Variants in GUCY1B1 observed in about 807,000 individuals in gnomAD.
GUCY1B1 encodes the protein guanylate cyclase soluble subunit beta-1.
GUCY1B1 carries 43 observed loss-of-function variants against 71.0 expected under a neutral mutation model. The ratio of observed to expected loss-of-function variants is 0.61; its 90% CI spans 0.47 to 0.78. GUCY1B1 has a LOEUF of 0.78. GUCY1B1 is among the 30% of genes least tolerant of loss of function. GUCY1B1 has a pLI of 0.00. For missense variants in GUCY1B1, 535 were observed against 754.1 expected, an observed-to-expected ratio of 0.71 and a Z score of 3.40; for synonymous variants, 266 against 259.7, an observed-to-expected ratio of 1.02 and a Z score of -0.23.
chr4:155,785,361 T>G, intron 4 of GUCY1B1: 1 of 1,003,118 alleles, frequency 1.0e-6, no homozygotes, highest in Non-Finnish European at 1.5e-6. Context: ...GTGTCTTTTT[T>G]ACTTTCATAC....
intron 9 of GUCY1B1, among the ~76,000 whole-genome samples, chr4:155,801,195 A>C (rs2111166961): frequency 6.6e-6 from 1 of 152,272 alleles, no homozygotes; most frequent in South Asian, 2.1e-4. Context: ...TGTCTTTAAT[A>C]CGAGTAGCTG....
rs139612573 is a variant in GUCY1B1, at chr4:155,802,531, C to T, written c.1365C>T (p.Thr455=). ...TCAACCTCCTCAACGACCTCTACAC[C>T]AGATTTGACACACTGACTGATTCCC... is the stretch of plus-strand genomic sequence containing the variant. ...KIVNLLNDLY[T]RFDTLTDSRK... is the part of the protein sequence containing the mutation. Residue 455 remains threonine (T), a synonymous_variant, in exon 10 of 14, where the codon ACC becomes ACT. Transcript: ENST00000264424. This position sits in a 1 kb window ranked among gnomAD's most constrained non-coding sequence, Gnocchi z 4.3. 3.8e-4 allele frequency: 613 copies of T among 1,612,204 alleles called. 7 individuals are homozygous for T. The East Asian group carries it at 0.012, about 31-fold the overall frequency.
At chr4:155,765,207 T>A (rs761684505) in intron 2 of GUCY1B1, among the ~76,000 whole-genome samples, 23 of 152,206 alleles carry the variant, frequency 1.5e-4, no homozygotes, top group Non-Finnish European at 2.4e-4. Flanking sequence ...AAGTCCTTTC[T>A]ACTTTCTTGC....
intron 5 of GUCY1B1, among the ~76,000 whole-genome samples, chr4:155,790,732 C>G (rs544495402): frequency 6.6e-6 from 1 of 152,158 alleles, no homozygotes; most frequent in South Asian, 2.1e-4. Context: ...TTGTAACACA[C>G]TTGGGAGGTC....
chr4:155,803,858 A>G, intron 11 of GUCY1B1, 94 bp downstream of exon 11: 1 of 746,420 alleles, frequency 1.3e-6, no homozygotes, highest in Non-Finnish European at 2.0e-6. Context: ...AACGTGTATA[A>G]AGAAGGGCAT....
intron 8 of GUCY1B1, 90 bp from the exon 9 acceptor site, chr4:155,799,787 T>A: frequency 3.0e-6 from 2 of 660,436 alleles, no homozygotes; most frequent in Non-Finnish European, 5.3e-6. Context: ...TGGTAGGAGG[T>A]GGCAGGATCA....
At chr4:155,797,433 T>C (rs937504622) in intron 8 of GUCY1B1, among the ~76,000 whole-genome samples, 3 of 152,132 alleles carry the variant, frequency 2.0e-5, no homozygotes, top group African/African-American at 4.8e-5. Context: ...AACAATAATA[T>C]ATAAGGCCAA....
rs1421199706 is a variant in GUCY1B1 at position 155,802,969 on chromosome 4, A to G, written c.1413+390A>G. On this transcript the variant is annotated intron_variant, in intron 10 of 13. Transcript: ENST00000264424. The surrounding 1 kb of genome is among the most constrained non-coding windows in gnomAD (Gnocchi z 4.3). ...TTGTACAGTAAAGAAGTCATGAAGCATGAGAAGGACTCAGATTTGCGTTTA... is the reference window on the plus strand; with the variant it reads ...TTGTACAGTAAAGAAGTCATGAAGCGTGAGAAGGACTCAGATTTGCGTTTA... 2.0e-5 allele frequency among the ~76,000 whole-genome samples: 3 copies of G among 152,244 alleles called. No homozygotes were observed. The highest frequency in any genetic ancestry group is 2.9e-5 in the Non-Finnish European group (2 of 68,042).
chr4:155,789,652 C>T, intron 4 of GUCY1B1, 62 bp from the exon 5 acceptor site: 1 of 963,878 alleles, frequency 1.0e-6, no homozygotes, highest in Non-Finnish European at 1.6e-6. Context: ...ATCTTGCTTT[C>T]CCAGAGTCTG....
chr4:155,775,678 G>A (rs1737994658), intron 3 of GUCY1B1, among the ~76,000 whole-genome samples: 1 of 152,108 alleles, frequency 6.6e-6, no homozygotes. Flanking sequence ...CATCAGTTGT[G>A]GTGTCAAGAA....
intron 4 of GUCY1B1, among the ~76,000 whole-genome samples, chr4:155,787,592 T>C (rs572546157): frequency 2.6e-5 from 4 of 152,336 alleles, no homozygotes; most frequent in South Asian, 2.1e-4. Context: ...ATTTGTGATA[T>C]AAACCATGAG....
chr4:155,806,371 T>C lies in GUCY1B1; in HGVS notation c.1837-15T>C. 6.3e-7 allele frequency: 1 copy of C among 1,576,782 alleles called. No individual in the cohort carries two copies. Among genetic ancestry groups the C allele is most frequent in the South Asian group, 1.1e-5 (1 of 90,014 alleles). On this transcript the variant is annotated splice_polypyrimidine_tract_variant and intron_variant, in intron 13 of 13. Transcript: ENST00000264424. Reference sequence around the variant, plus strand: ...TCACTGTAAATCAATCCCTCTTTTCTTCTGCCTATTTAAGGAAACAAAGCA... The same window carrying C: ...TCACTGTAAATCAATCCCTCTTTTCCTCTGCCTATTTAAGGAAACAAAGCA...
At chr4:155,789,020 A>T (rs941028421) in intron 4 of GUCY1B1, among the ~76,000 whole-genome samples, 14 of 152,294 alleles carry the variant, frequency 9.2e-5, no homozygotes, top group South Asian at 2.1e-4. Context: ...GCATCTTCCA[A>T]ACTAATGGCA....
rs543013009 is a variant in GUCY1B1 at position 155,761,196 on chromosome 4, A to T, written c.77+1336A>T. 7.9e-5 allele frequency among the ~76,000 whole-genome samples: 12 copies of T among 152,316 alleles called. No individual in the cohort carries two copies. In the South Asian group the frequency reaches 2.1e-3, roughly 26 times the overall value. On this transcript the variant is annotated intron_variant, in intron 2 of 13. Coordinates refer to ENST00000264424, the MANE Select transcript of GUCY1B1 (RefSeq NM_000857.5). ...CATAGGCACCAAAAGTTACTTTAGG[A>T]TTTGAATTTTCTGGCCATCTTAATA...
chr4:155,767,957 A>G (rs891736597), intron 2 of GUCY1B1, among the ~76,000 whole-genome samples: 2 of 152,204 alleles, frequency 1.3e-5, no homozygotes, highest in Non-Finnish European at 2.9e-5. Context: ...ACAATGGACC[A>G]TTCTAGGATT....
intron 5 of GUCY1B1, among the ~76,000 whole-genome samples, chr4:155,792,667 C>A (rs1246616751): frequency 6.6e-6 from 1 of 150,414 alleles, no homozygotes; most frequent in Admixed American, 6.6e-5. Context: ...GAAAAATGAA[C>A]AACATTTTGT....
At chr4:155,797,288 A>G (rs963905364) in intron 8 of GUCY1B1, among the ~76,000 whole-genome samples, 2 of 152,204 alleles carry the variant, frequency 1.3e-5, no homozygotes, top group South Asian at 2.1e-4. Flanking sequence ...TTGGTGAGCT[A>G]TTGGTTAAAA....
chr4:155,759,149 T>A lies in GUCY1B1; in HGVS notation c.3+6T>A, dbSNP rs1188970326. 6.3e-7 allele frequency: 1 copy of A among 1,586,986 alleles called. No individual in the cohort carries two copies. The highest frequency in any genetic ancestry group is 1.7e-5 in the Admixed American group (1 of 57,144). ...CTCCCGGTGCAGACACCATGGTAAGTGCTCTCAGCCGGGTGCGGCCCGAAC... is the reference window on the plus strand; with the variant it reads ...CTCCCGGTGCAGACACCATGGTAAGAGCTCTCAGCCGGGTGCGGCCCGAAC... On this transcript the variant is annotated splice_donor_region_variant and intron_variant, in intron 1 of 13. Transcript: ENST00000264424.
chr4:155,798,781 A>G (rs1176273574), intron 8 of GUCY1B1, among the ~76,000 whole-genome samples: 1 of 152,180 alleles, frequency 6.6e-6, no homozygotes, highest in African/African-American at 2.4e-5. Context: ...CTTTGCATTA[A>G]AAAAATTCAA....
Sources: gnomAD v4.1 joint callset for allele counts (sites outside exome capture counted in the v4.1 genomes callset) on GRCh38, gnomAD v4.1.1 for gene constraint, Gnocchi (gnomAD v3.1) non-coding constraint, MANE v1.5 for transcripts, NCBI Gene and HGNC (gene_info 2026-07-23, HGNC 2026-07-21) for gene names.